The following SLAIN2 variants were observed in gnomAD, a reference collection of about 807,000 sequenced individuals.
SLAIN2 encodes the protein SLAIN motif-containing protein 2.
In SLAIN2, 31 loss-of-function variants were observed where a neutral mutation model predicts 56.6. The observed-to-expected ratio is 0.55, with a 90% CI of 0.41 to 0.74. SLAIN2 has a LOEUF of 0.74. SLAIN2 is among the 30% of genes least tolerant of loss of function. The pLI, the probability that SLAIN2 is intolerant of heterozygous loss-of-function variation, is 0.00. For missense variants in SLAIN2, 777 were observed against 754.2 expected (o/e 1.03, Z -0.35); for synonymous variants, 317 against 284.9 (o/e 1.11, Z -1.13).
intron 6 of SLAIN2, among the ~76,000 whole-genome samples, chr4:48,391,155 T>C (rs13133921): frequency 1.3e-5 from 2 of 152,324 alleles, no homozygotes; most frequent in East Asian, 3.9e-4. Flanking sequence ...TGTACCATTG[T>C]TGTTTATTTC....
intron 6 of SLAIN2, among the ~76,000 whole-genome samples, chr4:48,397,224 T>G (rs1468583716): frequency 2.0e-5 from 3 of 152,132 alleles, no homozygotes; most frequent in Admixed American, 6.6e-5. Flanking sequence ...TCCTTCTTAG[T>G]TGCCTCTTTC....
chr4:48,390,456 CTTAGTAT>C (rs1320443379), intron 6 of SLAIN2, among the ~76,000 whole-genome samples: 1 of 152,140 alleles, frequency 6.6e-6, no homozygotes, highest in Non-Finnish European at 1.5e-5. Flanking sequence ...GCTGTGCTTA[CTTAGTAT>C]TTAGCACCTA....
In SLAIN2 at chr4:48,341,831, T is replaced by C. The variant is rs1245974104; in HGVS notation, c.92T>C (p.Leu31Pro). 1 of 1,529,904 alleles carries C rather than the reference T, an allele frequency of 6.5e-7. No homozygotes were observed. Among genetic ancestry groups the C allele is most frequent in the Non-Finnish European group, 8.8e-7 (1 of 1,138,666 alleles). 94.8% of individuals were successfully genotyped at this position (1,529,904 alleles called of 1,614,324 possible). Residue 31 changes from leucine (L) to proline (P), a missense_variant, in exon 1 of 8, where the codon CTG (leucine) becomes CCG (proline). Leu to Pro is a moderately conservative substitution (Grantham distance 98). Coordinates refer to ENST00000264313, the MANE Select transcript of SLAIN2 (RefSeq NM_020846.2). Reference sequence around the variant, plus strand: ...AAGCTGGAGAAGCAGAACGAACAGCTGAGGAGCCGCTCGGGGGCCGTGCAG... The same window carrying C: ...AAGCTGGAGAAGCAGAACGAACAGCCGAGGAGCCGCTCGGGGGCCGTGCAG... ...VKKLEKQNEQ[L>P]RSRSGAVQGA... is the part of the protein sequence containing the mutation.
chr4:48,341,534 C>G lies in SLAIN2; in HGVS notation c.-206C>G. ...ATATTGGCGCCGCCTCCCCCAATCC[C>G]GGAGCCGGCGCAGATGAGGCAGTTC... On this transcript the variant is annotated 5_prime_UTR_variant, in exon 1 of 8. Transcript: ENST00000264313. 3.0e-6 allele frequency: 2 copies of G among 665,030 alleles called. No homozygotes were observed. Among genetic ancestry groups the G allele is most frequent in the Non-Finnish European group, 4.5e-6 (2 of 448,514 alleles). The allele number at this position is 665,030 out of a possible 1,614,324, so 41.2% of individuals were successfully genotyped here.
chr4:48,372,051 CATATATATATAT>C lies in SLAIN2; in HGVS notation c.538+2056_538+2067del, dbSNP rs35913175. Among the ~76,000 whole-genome samples the C allele has an allele frequency of 5.7e-3, 838 of 147,736 alleles. 10 individuals carry two copies. The highest frequency in any genetic ancestry group is 0.021 in the African/African-American group (801 of 38,666). ...ACATATATATACATATACATATATA[CATATATATATAT>C]ACACACACACACATATATATCCCTA... On this transcript the variant is annotated intron_variant, in intron 2 of 7. Transcript: ENST00000264313.
intron 6 of SLAIN2, among the ~76,000 whole-genome samples, chr4:48,411,224 A>C (rs1297874241): frequency 6.6e-6 from 1 of 152,170 alleles, no homozygotes; most frequent in Admixed American, 6.5e-5. Flanking sequence ...CCTAGTCCTC[A>C]GCATCTATCT....
intron 6 of SLAIN2, among the ~76,000 whole-genome samples, chr4:48,403,361 G>C (rs555472753): frequency 6.6e-6 from 1 of 152,130 alleles, no homozygotes; most frequent in East Asian, 1.9e-4. Context: ...TCCTCCAGGG[G>C]CTCCATCATC....
intron 1 of SLAIN2, among the ~76,000 whole-genome samples, chr4:48,361,882 C>T (rs1166517824): frequency 6.6e-6 from 1 of 152,098 alleles, no homozygotes; most frequent in Non-Finnish European, 1.5e-5. Context: ...TCTTGCATTT[C>T]ATGTGTTAAA....
At chr4:48,414,848 G>T (rs1415533293) in intron 6 of SLAIN2, among the ~76,000 whole-genome samples, 1 of 33,190 alleles carries the variant, frequency 3.0e-5, no homozygotes. Flanking sequence ...TGAGAATGAT[G>T]GTTTCCAATT....
intron 6 of SLAIN2, chr4:48,394,480 A>G (rs1220074830): frequency 2.1e-6 from 2 of 938,742 alleles, no homozygotes. Context: ...TCTTTGATAC[A>G]TTTTTAAGTT....
rs1717177664 is a variant in SLAIN2 at position 48,422,299 on chromosome 4, A to G, written c.*222A>G. On this transcript the variant is annotated 3_prime_UTR_variant, in exon 8 of 8. Coordinates refer to ENST00000264313, the MANE Select transcript of SLAIN2 (RefSeq NM_020846.2). ...GTAATCATACAATCACTCTCCATAG[A>G]ATCACTTTTAGTTTTGTTTAATAGA... 2.3e-6 allele frequency: 1 copy of G among 436,034 alleles called. No individual in the cohort carries two copies. Among genetic ancestry groups the G allele is most frequent in the Non-Finnish European group, 4.1e-6 (1 of 243,314 alleles). The allele number at this position is 436,034 out of a possible 1,614,324, so 27.0% of individuals were successfully genotyped here.
chr4:48,360,095 A>G (rs1238506391), intron 1 of SLAIN2, among the ~76,000 whole-genome samples: 1 of 148,916 alleles, frequency 6.7e-6, no homozygotes, highest in African/African-American at 2.5e-5. Context: ...CGGAGGTTGC[A>G]GTGAGCTGAG....
intron 6 of SLAIN2, among the ~76,000 whole-genome samples, chr4:48,418,112 C>T (rs1717046302): frequency 6.6e-6 from 1 of 151,122 alleles, no homozygotes; most frequent in Non-Finnish European, 1.5e-5. Flanking sequence ...CTCTTCCTCC[C>T]TCCTTCCTCC....
rs114427062 is a variant in SLAIN2 at position 48,384,056 on chromosome 4, A to G, written c.1360+272A>G. Among the ~76,000 whole-genome samples the G allele has an allele frequency of 5.2e-3, 797 of 152,320 alleles. 8 individuals are homozygous for G. Among genetic ancestry groups the G allele is most frequent in the African/African-American group, 0.018 (761 of 41,584 alleles). On this transcript the variant is annotated intron_variant, in intron 6 of 7. Transcript: ENST00000264313. ...ATTTTAAAATAAGCAAAATGTAACTATTAAAAAAGTAGGTGTAGCTTTTGC... is the reference window on the plus strand; with the variant it reads ...ATTTTAAAATAAGCAAAATGTAACTGTTAAAAAAGTAGGTGTAGCTTTTGC...
intron 6 of SLAIN2, among the ~76,000 whole-genome samples, chr4:48,396,167 A>G (rs1176752702): frequency 2.1e-4 from 32 of 152,122 alleles, no homozygotes; most frequent in Non-Finnish European, 1.5e-5. Context: ...CTACCAAACT[A>G]CCTATCCTCT....
At chr4:48,376,685 G>C (rs988904763) in intron 2 of SLAIN2, among the ~76,000 whole-genome samples, 2 of 132,272 alleles carry the variant, frequency 1.5e-5, no homozygotes, top group African/African-American at 5.8e-5. Flanking sequence ...GCAGTGGCTC[G>C]ATATCGGCTC....
At chr4:48,409,649 C>T (rs1330627288) in intron 6 of SLAIN2, among the ~76,000 whole-genome samples, 1 of 152,180 alleles carries the variant, frequency 6.6e-6, no homozygotes, top group South Asian at 2.1e-4. Flanking sequence ...TTTGGGAGGC[C>T]GAGGTGGGCA....
intron 1 of SLAIN2, among the ~76,000 whole-genome samples, chr4:48,358,558 C>T (rs1033879810): frequency 1.5e-4 from 23 of 152,084 alleles, no homozygotes; most frequent in African/African-American, 5.1e-4. Flanking sequence ...TCAGGTGATC[C>T]GCCTGCCTCA....
intron 2 of SLAIN2, among the ~76,000 whole-genome samples, chr4:48,370,534 G>C (rs1715635940): frequency 6.6e-6 from 1 of 152,234 alleles, no homozygotes; most frequent in Admixed American, 6.5e-5. Flanking sequence ...CTGGCTAACA[G>C]TAAGTGCTGA....
Sources: gnomAD v4.1 joint callset for allele counts (sites outside exome capture counted in the v4.1 genomes callset) on GRCh38, gnomAD v4.1.1 for gene constraint, MANE v1.5 for transcripts, NCBI Gene and HGNC (gene_info 2026-07-23, HGNC 2026-07-21) for gene names.